Variants in DTNB observed in about 807,000 individuals in gnomAD.
The protein encoded by DTNB is DTN-B.
In DTNB, 63 loss-of-function variants were observed where a neutral mutation model predicts 90.7. The observed-to-expected ratio is 0.69, with a 90% CI of 0.57 to 0.86. DTNB has a LOEUF of 0.86. Among genes scored for constraint, DTNB ranks in the 40% least tolerant of loss-of-function variants. DTNB has a pLI of 0.00. For missense variants in DTNB, 744 were observed against 807.1 expected, an observed-to-expected ratio of 0.92 and a Z score of 0.95; for synonymous variants, 277 against 286.7, an observed-to-expected ratio of 0.97 and a Z score of 0.34.
intron 9 of DTNB, among the ~76,000 whole-genome samples, chr2:25,516,660 C>T (rs1003055226): frequency 6.6e-6 from 1 of 151,564 alleles, no homozygotes. Context: ...GAGGCTGAGG[C>T]AAGCAGATCA....
chr2:25,472,233 A>G (rs1188348622), intron 10 of DTNB, among the ~76,000 whole-genome samples: 1 of 152,242 alleles, frequency 6.6e-6, no homozygotes, highest in Non-Finnish European at 1.5e-5. Flanking sequence ...GGCTCACAGA[A>G]GATCACATAA....
intron 8 of DTNB, among the ~76,000 whole-genome samples, chr2:25,546,227 T>G (rs2082381244): frequency 6.6e-6 from 1 of 152,228 alleles, no homozygotes; most frequent in African/African-American, 2.4e-5. Context: ...GGTGGGAACC[T>G]GGACAGGACC....
At chr2:25,610,169 G>A (rs2068211966) in intron 4 of DTNB, among the ~76,000 whole-genome samples, 1 of 152,070 alleles carries the variant, frequency 6.6e-6, no homozygotes, top group African/African-American at 2.4e-5. Context: ...GAAATACAGT[G>A]GCGTGATCAC....
At chr2:25,620,192 A>G (rs969745376) in intron 4 of DTNB, among the ~76,000 whole-genome samples, 1 of 152,174 alleles carries the variant, frequency 6.6e-6, no homozygotes, top group African/African-American at 2.4e-5. Flanking sequence ...AGCATGTCAT[A>G]TTGGAAAAGA....
chr2:25,610,092 GA>G (rs900786949), intron 4 of DTNB, among the ~76,000 whole-genome samples: 59 of 152,254 alleles, frequency 3.9e-4, no homozygotes, highest in African/African-American at 1.3e-3. Context: ...TGACTTAGGT[GA>G]ACTATATTTT....
chr2:25,640,401 G>A (rs1029728270), intron 2 of DTNB, among the ~76,000 whole-genome samples: 1 of 151,940 alleles, frequency 6.6e-6, no homozygotes, highest in African/African-American at 2.4e-5. Context: ...GGGGTGGAGG[G>A]GGTTAAAGGA....
At chr2:25,550,947 G>C (rs1433914907) in intron 8 of DTNB, among the ~76,000 whole-genome samples, 1 of 152,228 alleles carries the variant, frequency 6.6e-6, no homozygotes, top group African/African-American at 2.4e-5. Flanking sequence ...ACAGCACCCA[G>C]CTGAGACCTC....
chr2:25,588,741 C>T (rs967712368), intron 6 of DTNB, among the ~76,000 whole-genome samples: 19 of 152,272 alleles, frequency 1.2e-4, no homozygotes, highest in African/African-American at 4.1e-4. Flanking sequence ...AAATGATCAG[C>T]TATGATCAAG....
intron 9 of DTNB, among the ~76,000 whole-genome samples, chr2:25,521,875 A>T (rs2076199183): frequency 6.6e-6 from 1 of 152,234 alleles, no homozygotes; most frequent in African/African-American, 2.4e-5. Context: ...TGTGCAGCGG[A>T]AGACACTGGG....
At chr2:25,441,558 A>G (rs1278550808) in intron 12 of DTNB, among the ~76,000 whole-genome samples, 1 of 152,218 alleles carries the variant, frequency 6.6e-6, no homozygotes, top group Non-Finnish European at 1.5e-5. Flanking sequence ...TGTGGACATT[A>G]GCAACTCAGT....
At chr2:25,569,310 A>G (rs2059485488) in intron 8 of DTNB, among the ~76,000 whole-genome samples, 1 of 152,188 alleles carries the variant, frequency 6.6e-6, no homozygotes, top group Non-Finnish European at 1.5e-5. Context: ...CTGGAACACC[A>G]CAGTACTGAT....
At chr2:25,415,056 G>T (rs916577046) in intron 16 of DTNB, among the ~76,000 whole-genome samples, 1 of 152,058 alleles carries the variant, frequency 6.6e-6, no homozygotes, top group Non-Finnish European at 1.5e-5. Context: ...ATCAGTGGAG[G>T]TACTGATGCC....
chr2:25,378,400 C>T (rs769586615), intron 20 of DTNB, among the ~76,000 whole-genome samples: 24 of 152,156 alleles, frequency 1.6e-4, no homozygotes, highest in South Asian at 6.2e-4. Flanking sequence ...GCAGGGGCCC[C>T]GGGGGAGCGG....
intron 9 of DTNB, among the ~76,000 whole-genome samples, chr2:25,512,219 G>T (rs773057431): frequency 3.3e-5 from 5 of 152,138 alleles, no homozygotes; most frequent in Non-Finnish European, 5.9e-5. Context: ...AAAAAATACA[G>T]ATTTTTACAG....
intron 10 of DTNB, among the ~76,000 whole-genome samples, chr2:25,480,157 T>C (rs115273374): frequency 1.4e-3 from 217 of 152,322 alleles, no homozygotes; most frequent in African/African-American, 5.0e-3. Flanking sequence ...TGAATATAAA[T>C]GGAATCCCCT....
intron 15 of DTNB, among the ~76,000 whole-genome samples, chr2:25,425,565 C>A (rs760832959): frequency 7.9e-5 from 12 of 152,164 alleles, no homozygotes; most frequent in Non-Finnish European, 1.5e-4. Context: ...AGTTTCTTCC[C>A]ACTCTAACTT....
intron 8 of DTNB, among the ~76,000 whole-genome samples, chr2:25,534,949 G>A (rs183452371): frequency 7.1e-5 from 10 of 140,634 alleles, no homozygotes; most frequent in Non-Finnish European, 1.1e-4. Flanking sequence ...GGGCAGAGGC[G>A]CTCCTTACCG....
intron 8 of DTNB, among the ~76,000 whole-genome samples, chr2:25,543,699 G>T (rs2081839584): frequency 6.6e-6 from 1 of 151,992 alleles, no homozygotes; most frequent in South Asian, 2.1e-4. Flanking sequence ...TCATTTTTAT[G>T]GCTTATTATG....
chr2:25,414,988 T>C (rs955147051), intron 16 of DTNB, among the ~76,000 whole-genome samples: 2 of 151,846 alleles, frequency 1.3e-5, no homozygotes, highest in African/African-American at 4.8e-5. Flanking sequence ...TTATAACCCT[T>C]AGATCTGAGA....
Sources: allele counts gnomAD v4.1 joint callset (sites outside exome capture counted in the v4.1 genomes callset), GRCh38; gene constraint gnomAD v4.1.1; transcripts MANE v1.5; gene names NCBI Gene and HGNC (gene_info 2026-07-23, HGNC 2026-07-21).